NPAS3: variants seen among roughly 807,000 people sequenced by gnomAD.
NPAS3 encodes neuronal PAS domain protein 3.
Under a neutral mutation model 73.1 loss-of-function variants are expected in NPAS3, and 14 were observed. The ratio of observed to expected loss-of-function variants is 0.19; its 90% CI spans 0.13 to 0.30. The LOEUF (loss-of-function observed/expected upper bound fraction) is 0.30, where lower values mean the gene tolerates loss of function less well. NPAS3 is among the 10% of genes least tolerant of loss of function. NPAS3 has a pLI of 1.00. For missense variants in NPAS3, 1,096 were observed against 1,250.0 expected, an observed-to-expected ratio of 0.88 and a Z score of 1.86; for synonymous variants, 620 against 541.5, an observed-to-expected ratio of 1.14 and a Z score of -2.01.
At chr14:33,380,408 G>A (rs1423558041) in intron 4 of NPAS3, among the ~76,000 whole-genome samples, 1 of 152,092 alleles carries the variant, frequency 6.6e-6, no homozygotes, top group East Asian at 1.9e-4. Context: ...CTGAACTGTA[G>A]CCATGCACCT....
rs757978893 is a variant in NPAS3, at chr14:33,800,614, GGGCGGC to G, written c.2312_2317del (p.Gly771_Gly772del). ...GGAACGGCGGCGGGGGCGGGGGCGG[GGGCGGC>G]GGCGCGGGGGGCGGCGGCCCCAGCG... On this transcript the variant is annotated inframe_deletion, in exon 12 of 12. Coordinates refer to ENST00000356141, the Ensembl canonical transcript of NPAS3. This position sits in a 1 kb window ranked among gnomAD's most constrained non-coding sequence, Gnocchi z 6.5. The G allele has an allele frequency of 7.4e-7, 1 of 1,342,470 alleles. No homozygotes were observed. 83.2% of individuals were successfully genotyped at this position (1,342,470 alleles called of 1,614,324 possible).
chr14:33,307,242 A>G lies in NPAS3; in HGVS notation c.386-59944A>G, dbSNP rs540053068. On this transcript the variant is annotated intron_variant, in intron 3 of 11. Coordinates refer to ENST00000356141, the Ensembl canonical transcript of NPAS3. The stretch of plus-strand genomic sequence containing the variant: ...TGTCTAATGAATACAAATTTTCTGC[A>G]ATTTGAAAATTCAAAGAAATAAAAA... Among the ~76,000 whole-genome samples, 6 of 152,214 alleles carry G rather than the reference A, an allele frequency of 3.9e-5. No individual in the cohort carries two copies. In the South Asian group the frequency reaches 1.0e-3, roughly 26 times the overall value.
chr14:33,006,364 T>C (rs2039003324), intron 1 of NPAS3, among the ~76,000 whole-genome samples: 1 of 152,088 alleles, frequency 6.6e-6, no homozygotes, highest in African/African-American at 2.4e-5. Flanking sequence ...GCAAACTGGA[T>C]CCTGCATCCA....
At position 33,717,125 on chromosome 14, in the gene NPAS3, C is replaced by A. The variant is rs370730457; in HGVS notation, c.734-18089C>A. Among the ~76,000 whole-genome samples, 28 of 148,604 alleles carry A rather than the reference C, an allele frequency of 1.9e-4. No individual in the cohort carries two copies. In the East Asian group the frequency reaches 5.2e-3, roughly 27 times the overall value. ...GTTAGAAGGGGTTTTGCCAGAGAAA[C>A]CATTTCCTGCTTGAAAACCACTGTA... On this transcript the variant is annotated intron_variant, in intron 6 of 11. Coordinates refer to ENST00000356141, the Ensembl canonical transcript of NPAS3.
intron 6 of NPAS3, among the ~76,000 whole-genome samples, chr14:33,688,613 G>A (rs1181981832): frequency 6.6e-6 from 1 of 152,158 alleles, no homozygotes; most frequent in Non-Finnish European, 1.5e-5. Flanking sequence ...TCAGACCTCA[G>A]GGTGTACTTC....
intron 1 of NPAS3, among the ~76,000 whole-genome samples, chr14:32,993,352 T>G (rs745533190): frequency 3.3e-5 from 5 of 151,962 alleles, no homozygotes; most frequent in Non-Finnish European, 7.4e-5. Flanking sequence ...GAAGGAAATA[T>G]GAAATAAACT....
At chr14:33,037,041 T>G (rs2040192712) in intron 1 of NPAS3, among the ~76,000 whole-genome samples, 1 of 152,172 alleles carries the variant, frequency 6.6e-6, no homozygotes, top group South Asian at 2.1e-4. Context: ...CCACTGTGAT[T>G]TTGCATAGAA....
At chr14:33,669,588 G>A (rs137948622) in intron 5 of NPAS3, among the ~76,000 whole-genome samples, 291 of 152,272 alleles carry the variant, frequency 1.9e-3, no homozygotes, top group African/African-American at 6.2e-3. Context: ...GAAATGCAGC[G>A]TATAATTTAC....
At chr14:33,021,231 A>G (rs1031500859) in intron 1 of NPAS3, among the ~76,000 whole-genome samples, 1 of 152,218 alleles carries the variant, frequency 6.6e-6, no homozygotes, top group Non-Finnish European at 1.5e-5. Flanking sequence ...CAGCAGCAGC[A>G]GCGTGAAAAT....
chr14:33,306,628 C>T (rs2042765304), intron 3 of NPAS3, among the ~76,000 whole-genome samples: 1 of 152,184 alleles, frequency 6.6e-6, no homozygotes, highest in African/African-American at 2.4e-5. Flanking sequence ...TGTGCAGAAT[C>T]ATTTGGAGTT....
intron 1 of NPAS3, among the ~76,000 whole-genome samples, chr14:32,950,273 A>C (rs910046488): frequency 2.0e-5 from 3 of 152,070 alleles, no homozygotes; most frequent in African/African-American, 4.8e-5. Flanking sequence ...TGTTAAGAAC[A>C]TCTCAAAGAA....
intron 3 of NPAS3, among the ~76,000 whole-genome samples, chr14:33,291,092 C>T (rs756783837): frequency 6.6e-5 from 10 of 152,016 alleles, no homozygotes; most frequent in Admixed American, 1.3e-4. Flanking sequence ...TGGAAACTAC[C>T]GATCTCATTC....
intron 4 of NPAS3, among the ~76,000 whole-genome samples, chr14:33,436,635 AG>A (rs2049001953): frequency 6.6e-6 from 1 of 152,186 alleles, no homozygotes; most frequent in African/African-American, 2.4e-5. Context: ...TGTTCCTCAA[AG>A]GTCAGTGCAT....
intron 5 of NPAS3, among the ~76,000 whole-genome samples, chr14:33,592,544 T>C (rs1163589411): frequency 1.3e-5 from 2 of 151,928 alleles, no homozygotes; most frequent in African/African-American, 4.8e-5. Context: ...ATGAGTAAAA[T>C]TGGGATGGGC....
At chr14:33,258,963 G>A (rs1205411570) in intron 3 of NPAS3, among the ~76,000 whole-genome samples, 7 of 152,218 alleles carry the variant, frequency 4.6e-5, no homozygotes, top group African/African-American at 9.6e-5. Context: ...ACAGGCGCCC[G>A]CCACCATGCC....
intron 3 of NPAS3, among the ~76,000 whole-genome samples, chr14:33,349,152 A>T (rs984645509): frequency 2.0e-5 from 3 of 152,242 alleles, no homozygotes; most frequent in Non-Finnish European, 4.4e-5. Context: ...TAGGCTAACC[A>T]TGTCTATAAT....
intron 7 of NPAS3, among the ~76,000 whole-genome samples, chr14:33,767,655 C>T (rs1191880044): frequency 1.3e-5 from 2 of 150,972 alleles, no homozygotes; most frequent in African/African-American, 4.9e-5. Flanking sequence ...TCGCCTAGCC[C>T]TATTCTATAC....
downstream of NPAS3, chr14:33,801,321 C>G (rs1038876238): frequency 1.1e-6 from 1 of 922,972 alleles, no homozygotes; most frequent in South Asian, 1.8e-5. Flanking sequence ...GTCAGACGAC[C>G]AGTTGCCTGC....
intron 5 of NPAS3, among the ~76,000 whole-genome samples, chr14:33,638,748 G>A (rs926425688): frequency 3.9e-5 from 6 of 152,340 alleles, no homozygotes; most frequent in African/African-American, 9.6e-5. Flanking sequence ...GTAACTGTTA[G>A]AGCAAGCATT....
Sources: allele counts gnomAD v4.1 joint callset (sites outside exome capture counted in the v4.1 genomes callset), GRCh38; gene constraint gnomAD v4.1.1; non-coding constraint Gnocchi (gnomAD v3.1); transcripts MANE v1.5; gene names NCBI Gene and HGNC (gene_info 2026-07-23, HGNC 2026-07-21).